Variants in SFI1 observed in about 807,000 individuals in gnomAD.
SFI1 encodes the protein SFI1 centrin binding protein, also known as protein SFI1 homolog.
A neutral mutation model predicts 207.5 loss-of-function variants in SFI1; 195 were observed. That is an observed-to-expected ratio of 0.94 (90% CI 0.84 to 1.06). The LOEUF (loss-of-function observed/expected upper bound fraction) is 1.06, where lower values mean the gene tolerates loss of function less well. Among genes scored for constraint, SFI1 ranks in the 50% least tolerant of loss-of-function variants. The probability of loss-of-function intolerance (pLI) is 0.00; values close to 1 mark genes in which losing one functional copy is unlikely to be tolerated. For synonymous variants in SFI1, 630 were observed against 598.9 expected, an observed-to-expected ratio of 1.05 and a Z score of -0.76; for missense variants, 1,634 against 1,588.0, an observed-to-expected ratio of 1.03 and a Z score of -0.49.
chr22:31,500,666 A>C (rs1436612910), intron 1 of SFI1, among the ~76,000 whole-genome samples: 5 of 152,164 alleles, frequency 3.3e-5, no homozygotes, highest in African/African-American at 1.2e-4. Flanking sequence ...CATGTTGGCC[A>C]GGCTGGTCTC....
At chr22:31,568,165 A>G (rs8142853) in intron 8 of SFI1, among the ~76,000 whole-genome samples, 23,859 of 117,820 alleles carry the variant, frequency 0.2, 2,679 homozygotes, top group East Asian at 0.46. Flanking sequence ...CTATATATAT[A>G]TGTGTGTGTG....
chr22:31,503,675 C>T (rs1408084535), intron 1 of SFI1, among the ~76,000 whole-genome samples: 11 of 150,800 alleles, frequency 7.3e-5, no homozygotes, highest in Admixed American at 4.0e-4. Flanking sequence ...GCAACCTCCG[C>T]CTCCTAGGTA....
chr22:31,580,181 A>G (rs578178546), intron 11 of SFI1, 91 bp from the exon 12 acceptor site: 64 of 917,518 alleles, frequency 7.0e-5, no homozygotes, highest in South Asian at 3.9e-4. Context: ...CTCCCCGCTG[A>G]TTTGAGGCAC....
intron 21 of SFI1, 88 bp downstream of exon 21, chr22:31,606,518 A>G (rs939808151): frequency 9.7e-7 from 1 of 1,031,258 alleles, no homozygotes; most frequent in African/African-American, 1.6e-5. Flanking sequence ...GGTGCCAGAG[A>G]TTTGAACTGA....
chr22:31,529,944 G>C (rs1288264979), intron 3 of SFI1, among the ~76,000 whole-genome samples: 1 of 151,892 alleles, frequency 6.6e-6, no homozygotes, highest in African/African-American at 2.4e-5. Context: ...GCCGAGGCGG[G>C]TGGATCACGA....
At chr22:31,617,706 G>C (rs535372411) in intron 31 of SFI1, among the ~76,000 whole-genome samples, 13 of 150,004 alleles carry the variant, frequency 8.7e-5, no homozygotes, top group Non-Finnish European at 1.5e-4. Flanking sequence ...GGGCAACACA[G>C]CAACACTCCA....
intron 9 of SFI1, among the ~76,000 whole-genome samples, chr22:31,574,473 G>T (rs140136837): frequency 6.6e-6 from 1 of 152,202 alleles, no homozygotes; most frequent in Non-Finnish European, 1.5e-5. Context: ...CCAGGATCAG[G>T]TTGGCTGAAA....
At chr22:31,571,738 A>G (rs1004227099) in intron 8 of SFI1, among the ~76,000 whole-genome samples, 3 of 152,122 alleles carry the variant, frequency 2.0e-5, no homozygotes, top group African/African-American at 4.8e-5. Context: ...CCTAAAAAGG[A>G]TGGTCTCCCA....
intron 24 of SFI1, chr22:31,612,395 A>AAG: frequency 9.1e-6 from 1 of 110,066 alleles, no homozygotes; most frequent in East Asian, 3.5e-4. Context: ...AAAAAAAAAA[A>AAG]AAAATATATA....
rs1043827818 is a variant in SFI1, at chr22:31,501,033, G to A, written c.-31+4396G>A. On this transcript the variant is annotated intron_variant, in intron 1 of 32. Coordinates refer to ENST00000400288, the MANE Select transcript of SFI1 (RefSeq NM_001007467.3). ...AGGCTGGTCTCGAACTCCTGACCCC[G>A]TGACCCACCCACCTTGGCCTCCCAA... Among the ~76,000 whole-genome samples, 118 of 151,534 alleles carry A rather than the reference G, an allele frequency of 7.8e-4. 1 individual carries two copies. The highest frequency in any genetic ancestry group is 2.9e-3 in the South Asian group (14 of 4,794).
chr22:31,610,394 G>A (rs1193090926), intron 22 of SFI1, among the ~76,000 whole-genome samples: 1 of 152,206 alleles, frequency 6.6e-6, no homozygotes, highest in African/African-American at 2.4e-5. Context: ...ACTTAGGACA[G>A]AGCCCAGGCA....
intron 4 of SFI1, among the ~76,000 whole-genome samples, chr22:31,546,619 C>T (rs553442971): frequency 1.4e-5 from 2 of 146,882 alleles, no homozygotes; most frequent in African/African-American, 5.0e-5. Flanking sequence ...TGCGCCCGAC[C>T]GATGTTTACT....
chr22:31,539,021 A>T lies in SFI1; in HGVS notation c.339-7840A>T, dbSNP rs1569249630. On this transcript the variant is annotated intron_variant, in intron 4 of 32. Transcript: ENST00000400288. ...CCCCCTCTCAGTGAGTGGAAACTCC[A>T]TCCTTCCAAGTGCTCAGGTCAGAAA... Among the ~76,000 whole-genome samples, 3 of 152,176 alleles carry T rather than the reference A, an allele frequency of 2.0e-5. No individual in the cohort carries two copies. In the South Asian group the frequency reaches 6.2e-4, roughly 32 times the overall value.
intron 11 of SFI1, 30 bp downstream of exon 11, chr22:31,578,482 G>T: frequency 3.1e-6 from 5 of 1,601,622 alleles, no homozygotes; most frequent in Non-Finnish European, 4.3e-6. Flanking sequence ...GCACGGGTCC[G>T]CTTGGCAGCC....
In SFI1 at chr22:31,586,757, T is replaced by C. The variant is rs561217353; in HGVS notation, c.1413+1623T>C. ...AGAGCAGAGGGTCTCTTTTATTTCC[T>C]TCCTGGAAAACGAGCACTCCCCTTG... On this transcript the variant is annotated intron_variant, in intron 14 of 32. Transcript: ENST00000400288. Among the ~76,000 whole-genome samples, 604 of 152,298 alleles carry C rather than the reference T, an allele frequency of 4.0e-3. 6 individuals carry two copies. The highest frequency in any genetic ancestry group is 6.8e-3 in the Non-Finnish European group (460 of 68,020).
chr22:31,564,238 A>G (rs1158271444), intron 8 of SFI1, among the ~76,000 whole-genome samples: 1 of 151,052 alleles, frequency 6.6e-6, no homozygotes. Context: ...GAGGCAGGAG[A>G]ATGACATGAA....
chr22:31,527,281 AC>A (rs1161568070), intron 2 of SFI1, among the ~76,000 whole-genome samples: 1 of 152,070 alleles, frequency 6.6e-6, no homozygotes, highest in Non-Finnish European at 1.5e-5. Flanking sequence ...TTTTATAGTT[AC>A]CCCGTGCCCT....
At chr22:31,528,968 G>T in intron 3 of SFI1, 105 bp downstream of exon 3, 1 of 1,113,302 alleles carries the variant, frequency 9.0e-7, no homozygotes, top group Non-Finnish European at 1.3e-6. Flanking sequence ...ATTAGTGGGA[G>T]ATCTTGATGC....
intron 9 of SFI1, 114 bp downstream of exon 9, chr22:31,573,328 G>T (rs1394361302): frequency 3.5e-6 from 4 of 1,129,182 alleles, no homozygotes; most frequent in Admixed American, 5.6e-5. Flanking sequence ...CAGAAATTTT[G>T]GTAAAAGGAG....
Sources: gnomAD v4.1 joint callset for allele counts (sites outside exome capture counted in the v4.1 genomes callset) on GRCh38, gnomAD v4.1.1 for gene constraint, MANE v1.5 for transcripts, NCBI Gene and HGNC (gene_info 2026-07-23, HGNC 2026-07-21) for gene names.